Variants in TSEN2 observed in about 807,000 individuals in gnomAD.
TSEN2 encodes the protein tRNA splicing endonuclease subunit 2.
In TSEN2, 54 loss-of-function variants were observed where a neutral mutation model predicts 59.2. The ratio of observed to expected loss-of-function variants is 0.91; its 90% CI spans 0.73 to 1.14. The LOEUF (loss-of-function observed/expected upper bound fraction) is 1.14, where lower values mean the gene tolerates loss of function less well. TSEN2 is among the 50% of genes most tolerant of loss of function. The pLI, the probability that TSEN2 is intolerant of heterozygous loss-of-function variation, is 0.00. For missense variants in TSEN2, 636 were observed against 576.2 expected (o/e 1.10, Z -1.06); for synonymous variants, 195 against 198.2 (o/e 0.98, Z 0.14).
chr3:12,516,427 A>T, intron 6 of TSEN2, among the ~76,000 whole-genome samples, 184 bp from the exon 7 acceptor site: 1 of 119,216 alleles, frequency 8.4e-6, no homozygotes, highest in Non-Finnish European at 1.9e-5. Context: ...TCCGTTTCAA[A>T]AACAAACAAA....
In TSEN2 at chr3:12,519,789, C is replaced by T. The variant is rs141136929; in HGVS notation, c.1099+592C>T. ...AAGCATTCTATAGCACCCACCCCCA[C>T]GTCTCTAGCCATGAGATCGGGTAAT... is the stretch of plus-strand genomic sequence containing the variant. On this transcript the variant is annotated intron_variant, in intron 8 of 11. Transcript: ENST00000284995. Among the ~76,000 whole-genome samples the T allele has an allele frequency of 3.4e-4, 51 of 152,206 alleles. No individual in the cohort carries two copies. In the East Asian group the frequency reaches 9.7e-3, roughly 29 times the overall value.
At chr3:12,524,600 T>C (rs2056928183) in intron 8 of TSEN2, among the ~76,000 whole-genome samples, 1 of 152,122 alleles carries the variant, frequency 6.6e-6, no homozygotes. Context: ...ATCTCAAAAT[T>C]CTAAACTTAG....
intron 6 of TSEN2, 46 bp from the exon 7 acceptor site, chr3:12,516,565 T>C: frequency 6.2e-7 from 1 of 1,602,938 alleles, no homozygotes; most frequent in Middle Eastern, 1.7e-4. Context: ...TTCACAAGAA[T>C]GTGAAACTAT....
At chr3:12,519,694 C>T (rs893796360) in intron 8 of TSEN2, among the ~76,000 whole-genome samples, 1 of 151,920 alleles carries the variant, frequency 6.6e-6, no homozygotes, top group Non-Finnish European at 1.5e-5. Context: ...TGCAGTGAGC[C>T]GAGATCGCGC....
rs200075905 is a variant in TSEN2 at position 12,521,712 on chromosome 3, T to TA, written c.1099+2524dup. On this transcript the variant is annotated intron_variant, in intron 8 of 11. Transcript: ENST00000284995. The stretch of plus-strand genomic sequence containing the variant: ...CCTGCACAAGAGAGTAAGAGTCTCT[T>TA]AAAAAAAAATAAAAATAGGCTGGGC... Among the ~76,000 whole-genome samples the TA allele has an allele frequency of 9.0e-5, 13 of 143,912 alleles. No homozygotes were observed. In the South Asian group the frequency reaches 1.1e-3, roughly 12 times the overall value. 94.4% of individuals were successfully genotyped at this position (143,912 alleles called of 152,430 possible). A position where few individuals can be genotyped will look rare whatever the true frequency, so the allele number is the denominator to read the frequency against.
chr3:12,491,666 C>A (rs901965170), intron 2 of TSEN2, among the ~76,000 whole-genome samples: 1 of 152,184 alleles, frequency 6.6e-6, no homozygotes, highest in Non-Finnish European at 1.5e-5. Flanking sequence ...TAAGAACATC[C>A]TTAGTCATCA....
downstream of TSEN2, among the ~76,000 whole-genome samples, chr3:12,538,623 C>G (rs549646456): frequency 1.8e-4 from 28 of 152,132 alleles, no homozygotes; most frequent in African/African-American, 6.3e-4. Context: ...AGTACCAAGG[C>G]TGGGGAATAA....
At chr3:12,520,794 A>T (rs2056577478) in intron 8 of TSEN2, among the ~76,000 whole-genome samples, 1 of 152,088 alleles carries the variant, frequency 6.6e-6, no homozygotes. Flanking sequence ...TCAAAAAAAA[A>T]AAATTTTTAG....
rs191219355 is a variant in TSEN2, at chr3:12,503,597, C to T, written c.644C>T (p.Ser215Leu). 7.5e-6 allele frequency: 12 copies of T among 1,595,152 alleles called. No individual in the cohort carries two copies. The highest frequency in any genetic ancestry group is 9.4e-6 in the Non-Finnish European group (11 of 1,169,002). The change falls in exon 5 of 12, where the codon TCA becomes TTA. Residue 215 changes from serine (S) to leucine (L), a missense_variant. Physicochemically the swap from Ser to Leu is moderately radical, Grantham distance 145. Transcript: ENST00000284995. ...SFEKSVREDA[S>L]PLPHVCCCKQ... ...GAGAAAAGCGTGCGAGAGGATGCCT[C>T]ACCTCTGCCCCATGTCTGTTGCTGC...
At chr3:12,516,856 T>C (rs539471126) in intron 7 of TSEN2, among the ~76,000 whole-genome samples, 195 bp downstream of exon 7, 1 of 152,330 alleles carries the variant, frequency 6.6e-6, no homozygotes, top group South Asian at 2.1e-4. Context: ...TTGACCCTTT[T>C]AGATTGCATT....
Position 12,510,013 on chromosome 3 carries a change from G to GGA in TSEN2, c.909+4784_909+4785dup, listed in dbSNP as rs1323438991. ...CAGGCTCATGTGTCCTTCTCCCCAAGGAGGTATAAACTGTTTTTTACTTGA... is the reference window on the plus strand; with the variant it reads ...CAGGCTCATGTGTCCTTCTCCCCAAGGAGAGGTATAAACTGTTTTTTACTTGA... On this transcript the variant is annotated intron_variant, in intron 6 of 11. Coordinates refer to ENST00000284995, the MANE Select transcript of TSEN2 (RefSeq NM_025265.4). Among the ~76,000 whole-genome samples the GGA allele has an allele frequency of 7.6e-4, 116 of 152,318 alleles. 1 individual carries two copies. The highest frequency in any genetic ancestry group is 2.6e-3 in the African/African-American group (110 of 41,576).
At chr3:12,537,244 A>T (rs993119923), downstream of TSEN2, among the ~76,000 whole-genome samples, 18 of 152,190 alleles carry the variant, frequency 1.2e-4, no homozygotes, top group South Asian at 2.1e-4. Context: ...AAATAATTTT[A>T]AAAAATTAGC....
At chr3:12,502,691 T>G (rs1230336354) in intron 4 of TSEN2, among the ~76,000 whole-genome samples, 2 of 132,740 alleles carry the variant, frequency 1.5e-5, no homozygotes, top group Admixed American at 1.5e-4. Context: ...TTTTTTTTGT[T>G]TTTTTTTTTT....
chr3:12,501,059 G>C (rs2054237465), intron 4 of TSEN2, among the ~76,000 whole-genome samples: 1 of 152,192 alleles, frequency 6.6e-6, no homozygotes, highest in Non-Finnish European at 1.5e-5. Context: ...TATAGACCCT[G>C]TAGAGCCAAT....
intron 10 of TSEN2, 141 bp from the exon 11 acceptor site, chr3:12,531,429 G>A: frequency 4.7e-6 from 3 of 635,490 alleles, no homozygotes; most frequent in South Asian, 1.8e-5. Context: ...GTTTCCCCAG[G>A]AGGAAACTGA....
chr3:12,492,078 T>G, intron 2 of TSEN2, 58 bp from the exon 3 acceptor site: 1 of 1,455,040 alleles, frequency 6.9e-7, no homozygotes, highest in Non-Finnish European at 9.7e-7. Flanking sequence ...ATATTCTACC[T>G]CAGCTAAAAA....
At chr3:12,480,879 G>A (rs1559252099), upstream of TSEN2, among the ~76,000 whole-genome samples, 2 of 152,096 alleles carry the variant, frequency 1.3e-5, no homozygotes, top group East Asian at 1.9e-4. Flanking sequence ...CAGCATGACA[G>A]ATTAAAAGAG....
At chr3:12,517,657 A>G (rs932225191) in intron 7 of TSEN2, among the ~76,000 whole-genome samples, 5 of 152,220 alleles carry the variant, frequency 3.3e-5, no homozygotes, top group Admixed American at 1.3e-4. Flanking sequence ...TTCTGATTGC[A>G]TAAATACCGT....
intron 6 of TSEN2, among the ~76,000 whole-genome samples, chr3:12,512,118 T>G (rs1331025905): frequency 3.3e-5 from 5 of 152,240 alleles, no homozygotes; most frequent in Admixed American, 6.5e-5. Context: ...GTGATATGTG[T>G]GAGGTCTCTG....
Sources: gnomAD v4.1 joint callset for allele counts (sites outside exome capture counted in the v4.1 genomes callset) on GRCh38, gnomAD v4.1.1 for gene constraint, MANE v1.5 for transcripts, NCBI Gene and HGNC (gene_info 2026-07-23, HGNC 2026-07-21) for gene names.